The following ATP10B variants were observed in gnomAD, a reference collection of about 807,000 sequenced individuals.
The protein encoded by ATP10B is ATPase phospholipid transporting 10B (putative).
ATP10B carries 122 observed loss-of-function variants against 141.2 expected under a neutral mutation model. That is an observed-to-expected ratio of 0.86 (90% confidence interval 0.75 to 1.00). The LOEUF (loss-of-function observed/expected upper bound fraction) is 1.00. Among genes scored for constraint, ATP10B ranks in the 50% least tolerant of loss-of-function variants. The pLI is 0.00. For synonymous variants in ATP10B, 685 were observed against 692.0 expected (o/e 0.99, Z 0.16); for missense variants, 1,876 against 1,825.3 (o/e 1.03, Z -0.51).
chr5:160,839,701 C>G (rs1288556643), intron 1 of ATP10B, among the ~76,000 whole-genome samples: 1 of 152,010 alleles, frequency 6.6e-6, no homozygotes, highest in African/African-American at 2.4e-5. Context: ...ATTGACCCAT[C>G]AAATTTCAAC....
At chr5:160,868,521 T>TACACACACACACACACACACACAC in the ATP10B span, among the ~76,000 whole-genome samples, 1 of 130,322 alleles carries the variant, frequency 7.7e-6, no homozygotes, top group East Asian at 2.3e-4. Flanking sequence ...TATGAACAGA[T>TACACACACACACACACACACACAC]ACACACACAC....
intron 6 of ATP10B, among the ~76,000 whole-genome samples, chr5:160,676,886 T>C (rs1474914765): frequency 6.6e-6 from 1 of 152,204 alleles, no homozygotes; most frequent in Non-Finnish European, 1.5e-5. Context: ...GCTCAGAAAG[T>C]TATCTAACTT....
At chr5:160,779,204 A>T (rs1168986107) in intron 2 of ATP10B, among the ~76,000 whole-genome samples, 1 of 152,202 alleles carries the variant, frequency 6.6e-6, no homozygotes. Context: ...TCTCTAGAGG[A>T]TATACTTATT....
intron 1 of ATP10B, among the ~76,000 whole-genome samples, chr5:160,816,888 C>T (rs192634410): frequency 2.0e-5 from 3 of 152,208 alleles, no homozygotes; most frequent in East Asian, 3.9e-4. Context: ...ATAAACAGAA[C>T]CAAAGACAAA....
chr5:160,632,623 T>G (rs1759018479), intron 12 of ATP10B: 1 of 17,092 alleles, frequency 5.9e-5, no homozygotes, highest in Non-Finnish European at 1.1e-4. Flanking sequence ...CTCAGAGGTT[T>G]TTTTTTTTTT....
At chr5:160,653,077 G>GTATATATTATATATACACGTGTATATAA (rs1761014512) in intron 7 of ATP10B, among the ~76,000 whole-genome samples, 1 of 117,524 alleles carries the variant, frequency 8.5e-6, no homozygotes, top group African/African-American at 3.2e-5. Context: ...TGTATATATA[G>GTATATATTATATATACACGTGTATATAA]TGTATATATT....
At chr5:160,818,953 A>C (rs967221550) in intron 1 of ATP10B, among the ~76,000 whole-genome samples, 2 of 152,134 alleles carry the variant, frequency 1.3e-5, no homozygotes, top group African/African-American at 4.8e-5. Flanking sequence ...GAACAATGAG[A>C]ACACATGGAC....
chr5:160,819,244 A>G (rs552281276), intron 1 of ATP10B, among the ~76,000 whole-genome samples: 1 of 152,300 alleles, frequency 6.6e-6, no homozygotes, highest in African/African-American at 2.4e-5. Context: ...TTTACAGTGG[A>G]AATCTTACAG....
chr5:160,773,694 C>T lies in ATP10B; in HGVS notation c.-331+11865G>A, dbSNP rs115324875. Among the ~76,000 whole-genome samples, 675 of 152,218 alleles carry T rather than the reference C, an allele frequency of 4.4e-3. 8 individuals are homozygous for T. The highest frequency in any genetic ancestry group is 0.016 in the African/African-American group (647 of 41,534). On this transcript the variant is annotated intron_variant, in intron 2 of 25. Coordinates refer to ENST00000327245, the MANE Select transcript of ATP10B (RefSeq NM_025153.3). ...ACTTGACTCTTAACCACTCTGCTAC[C>T]ATTTATTCTTCAGCAGTGTAGTGGC...
rs141365211 is a variant in ATP10B at position 160,802,638 on chromosome 5, C to T, written c.-575-16835G>A. 2.6e-3 allele frequency among the ~76,000 whole-genome samples: 391 copies of T among 152,342 alleles called. 2 individuals carry two copies. Among genetic ancestry groups the T allele is most frequent in the South Asian group, 0.013 (65 of 4,828 alleles). ...ATGGTAAGGGACACTGCTAAGTTCACATGGAGAGCCTGATACCTACTGCTT... is the reference window on the plus strand; with the variant it reads ...ATGGTAAGGGACACTGCTAAGTTCATATGGAGAGCCTGATACCTACTGCTT... On this transcript the variant is annotated intron_variant, in intron 1 of 25. Coordinates refer to ENST00000327245, the MANE Select transcript of ATP10B (RefSeq NM_025153.3).
At chr5:160,685,026 A>C (rs1763663248) in intron 6 of ATP10B, 6 of 703,438 alleles carry the variant, frequency 8.5e-6, no homozygotes, top group Non-Finnish European at 1.6e-5. Flanking sequence ...AGAGATTGGC[A>C]AACCGGTGTA....
At chr5:160,895,121 C>G in the ATP10B span, among the ~76,000 whole-genome samples, 1 of 152,050 alleles carries the variant, frequency 6.6e-6, no homozygotes, top group Non-Finnish European at 1.5e-5. Context: ...TAAAGACCAT[C>G]GAAATTATGA....
chr5:160,695,857 C>G (rs544110655), intron 3 of ATP10B, among the ~76,000 whole-genome samples: 1 of 152,008 alleles, frequency 6.6e-6, no homozygotes, highest in South Asian at 2.1e-4. Context: ...TTAAAGCACT[C>G]TACCCTGAGG....
chr5:160,628,051 C>T (rs1758701934), intron 13 of ATP10B, among the ~76,000 whole-genome samples: 1 of 152,216 alleles, frequency 6.6e-6, no homozygotes, highest in African/African-American at 2.4e-5. Flanking sequence ...CTGTTTAGGG[C>T]AGTGATGGTT....
At chr5:160,607,169 T>C (rs952183445) in intron 18 of ATP10B, 83 bp from the exon 19 acceptor site, 21 of 1,204,396 alleles carry the variant, frequency 1.7e-5, no homozygotes, top group Admixed American at 4.4e-5. Flanking sequence ...TTTAGTAAGA[T>C]AGTCATAAAA....
At chr5:160,768,860 G>C (rs1174877632) in intron 2 of ATP10B, among the ~76,000 whole-genome samples, 2 of 152,182 alleles carry the variant, frequency 1.3e-5, no homozygotes, top group African/African-American at 2.4e-5. Flanking sequence ...CACACAGTAT[G>C]TTGGACACTG....
At chr5:160,582,261 G>GT (rs1314401232) in intron 24 of ATP10B, among the ~76,000 whole-genome samples, 3 of 152,158 alleles carry the variant, frequency 2.0e-5, no homozygotes, top group Non-Finnish European at 4.4e-5. Context: ...TTATAATTTG[G>GT]TATGTTTTTG....
intron 1 of ATP10B, among the ~76,000 whole-genome samples, chr5:160,843,316 T>C (rs1029550348): frequency 1.3e-5 from 2 of 152,126 alleles, no homozygotes; most frequent in African/African-American, 4.8e-5. Context: ...GTGAAATATT[T>C]TTAGTGGTTT....
At chr5:160,716,589 A>T (rs1765674600) in intron 3 of ATP10B, among the ~76,000 whole-genome samples, 1 of 152,228 alleles carries the variant, frequency 6.6e-6, no homozygotes, top group Non-Finnish European at 1.5e-5. Context: ...TTCCACTGGG[A>T]AGACGATACA....
Sources: gnomAD v4.1 joint callset for allele counts (sites outside exome capture counted in the v4.1 genomes callset) on GRCh38, gnomAD v4.1.1 for gene constraint, MANE v1.5 for transcripts, NCBI Gene and HGNC (gene_info 2026-07-23, HGNC 2026-07-21) for gene names.